Variants in KDM1A observed in about 807,000 individuals in gnomAD.
KDM1A encodes lysine-specific histone demethylase 1A.
A neutral mutation model predicts 109.4 loss-of-function variants in KDM1A; 49 were observed. That is an observed-to-expected ratio of 0.45 (90% confidence interval 0.36 to 0.57). The LOEUF (loss-of-function observed/expected upper bound fraction) is 0.57, where lower values mean the gene tolerates loss of function less well. KDM1A is among the 20% of genes least tolerant of loss of function. KDM1A has a pLI of 0.00. For missense variants in KDM1A, 668 were observed against 1,116.6 expected (o/e 0.60, Z 5.73); for synonymous variants, 380 against 415.4 (o/e 0.91, Z 1.04).
intron 2 of KDM1A, among the ~76,000 whole-genome samples, chr1:23,038,149 A>C (rs190719684): frequency 4.9e-4 from 74 of 152,318 alleles, no homozygotes; most frequent in Non-Finnish European, 7.9e-4. Flanking sequence ...GCTTTAGACC[A>C]GACAGACACA....
At position 23,059,054 on chromosome 1, in the gene KDM1A, T is replaced by C. The variant is rs374547084; in HGVS notation, c.1073-19T>C. The C allele has an allele frequency of 6.4e-6, 10 of 1,554,194 alleles. No individual in the cohort carries two copies. The highest frequency in any genetic ancestry group is 4.7e-5 in the South Asian group (4 of 85,910). On this transcript the variant is annotated intron_variant, in intron 8 of 20. Coordinates refer to ENST00000400181, the MANE Select transcript of KDM1A (RefSeq NM_001009999.3). The stretch of plus-strand genomic sequence containing the variant: ...TCTTCATAGGTCTATTGAATTTAAT[T>C]GCTTGAGTTTTTTTCTAGGAGGGAA...
Position 23,019,722 on chromosome 1 carries a change from G to A in KDM1A, c.126G>A (p.Ala42=). 4 of 1,326,360 alleles carry A rather than the reference G, an allele frequency of 3.0e-6. No individual in the cohort carries two copies. Among genetic ancestry groups the A allele is most frequent in the Non-Finnish European group, 3.9e-6 (4 of 1,038,114 alleles). The allele number at this position is 1,326,360 out of a possible 1,614,324, so 82.2% of individuals were successfully genotyped here. The change falls in exon 1 of 21, where the codon GCG becomes GCA. Residue 42 remains alanine (A), a synonymous_variant. Transcript: ENST00000400181. ...ENGSEVAAQP[A]GLSGPAEVGP... ...GGTCTGAGGTGGCCGCGCAGCCCGC[G>A]GGCCTGTCGGGCCCAGCCGAGGTCG...
chr1:23,074,512 C>CT (rs1473892167), intron 15 of KDM1A, among the ~76,000 whole-genome samples: 3 of 152,062 alleles, frequency 2.0e-5, no homozygotes, highest in African/African-American at 4.8e-5. Flanking sequence ...TCATGGCTCC[C>CT]TTGCAGCCTT....
chr1:23,070,970 G>A (rs191562141), intron 12 of KDM1A, among the ~76,000 whole-genome samples: 53 of 152,108 alleles, frequency 3.5e-4, no homozygotes, highest in Non-Finnish European at 1.5e-4. Flanking sequence ...CTTCTCATTC[G>A]TTTTAGAAGG....
chr1:23,057,376 C>T (rs1049358425), intron 7 of KDM1A, 108 bp from the exon 8 acceptor site: 2 of 797,518 alleles, frequency 2.5e-6, no homozygotes, highest in African/African-American at 3.4e-5. Flanking sequence ...CATGTAAACT[C>T]TACATCTTTA....
chr1:23,035,723 A>G (rs909981827), intron 2 of KDM1A, among the ~76,000 whole-genome samples: 2 of 152,212 alleles, frequency 1.3e-5, no homozygotes, highest in South Asian at 2.1e-4. Flanking sequence ...TAAAGAGTCA[A>G]TGAAATTTGA....
chr1:23,069,504 A>T (rs980286370), intron 12 of KDM1A, among the ~76,000 whole-genome samples: 13 of 151,916 alleles, frequency 8.6e-5, no homozygotes, highest in African/African-American at 1.2e-4. Flanking sequence ...TAATGAGCTT[A>T]AAAAAAATGG....
At chr1:23,073,483 G>T in intron 15 of KDM1A, 80 bp downstream of exon 15, 1 of 790,768 alleles carries the variant, frequency 1.3e-6, no homozygotes. Context: ...TTGTATGTGT[G>T]TTTTTAAACA....
chr1:23,027,566 G>T (rs1346971390), intron 1 of KDM1A, among the ~76,000 whole-genome samples: 1 of 148,022 alleles, frequency 6.8e-6, no homozygotes, highest in East Asian at 2.0e-4. Context: ...GGAACTGCAG[G>T]TGCATGCCAC....
chr1:23,079,604 G>T lies in KDM1A; in HGVS notation c.2107G>T (p.Gly703Trp), dbSNP rs1337264516. The T allele has an allele frequency of 6.2e-7, 1 of 1,613,844 alleles. No homozygotes were observed. The highest frequency in any genetic ancestry group is 2.2e-5 in the East Asian group (1 of 44,870). The change falls in exon 18 of 21, where the codon GGG becomes TGG. Residue 703 changes from glycine (G) to tryptophan (W), a missense_variant. Gly to Trp is a radical substitution (Grantham distance 184). Transcript: ENST00000400181. The surrounding 1 kb of genome is among the most constrained non-coding windows in gnomAD (Gnocchi z 5.6). The part of the protein sequence containing the change: ...VFWDPSVNLF[G>W]HVGSTTASRG... ...CTGGGATCCAAGTGTCAATTTGTTC[G>T]GGCATGTTGGCAGTACGACTGCCAG...
intron 4 of KDM1A, among the ~76,000 whole-genome samples, chr1:23,052,822 T>C (rs1642711140): frequency 6.6e-6 from 1 of 152,204 alleles, no homozygotes; most frequent in South Asian, 2.1e-4. Context: ...GTGGACTATT[T>C]GGAGTTCCTT....
intron 1 of KDM1A, among the ~76,000 whole-genome samples, chr1:23,023,301 G>A (rs192078308): frequency 7.2e-5 from 11 of 152,188 alleles, no homozygotes; most frequent in East Asian, 1.9e-4. Context: ...CCAATGTCAC[G>A]AGGATTTACT....
chr1:23,069,186 C>A, intron 12 of KDM1A, 35 bp downstream of exon 12: 1 of 1,290,480 alleles, frequency 7.7e-7, no homozygotes, highest in African/African-American at 1.5e-5. Flanking sequence ...GCTGAAGAAG[C>A]TTTAATAGGA....
chr1:23,019,718 C>T lies in KDM1A; in HGVS notation c.122C>T (p.Pro41Leu). The change falls in exon 1 of 21, where the codon CCC becomes CTC. Residue 41 changes from proline (P) to leucine (L), a missense_variant. Around this residue, in one of 8 missense-constraint regions of KDM1A, gnomAD observed 156 missense variants for 163.4 expected, o/e 0.95. Transcript: ENST00000400181. Reference protein sequence around the residue: ...SENGSEVAAQPAGLSGPAEVG... With the variant: ...SENGSEVAAQLAGLSGPAEVG... ...AACGGGTCTGAGGTGGCCGCGCAGC[C>T]CGCGGGCCTGTCGGGCCCAGCCGAG... 2.3e-6 allele frequency: 3 copies of T among 1,326,416 alleles called. No homozygotes were observed. The highest frequency in any genetic ancestry group is 2.9e-6 in the Non-Finnish European group (3 of 1,038,602). 82.2% of individuals were successfully genotyped at this position (1,326,416 alleles called of 1,614,324 possible). A position where few individuals can be genotyped will look rare whatever the true frequency, so the allele number is the denominator to read the frequency against.
At chr1:23,067,832 CA>C (rs1402677501) in intron 10 of KDM1A, among the ~76,000 whole-genome samples, 3 of 152,190 alleles carry the variant, frequency 2.0e-5, no homozygotes, top group Non-Finnish European at 4.4e-5. Flanking sequence ...GGCTTAGGAT[CA>C]TGGTCTTCCA....
intron 2 of KDM1A, among the ~76,000 whole-genome samples, chr1:23,043,075 C>T (rs1356042351): frequency 6.6e-6 from 1 of 152,126 alleles, no homozygotes; most frequent in Non-Finnish European, 1.5e-5. Flanking sequence ...ATGAATAAAG[C>T]CAGAATTTAC....
intron 2 of KDM1A, among the ~76,000 whole-genome samples, chr1:23,036,918 T>C (rs563258263): frequency 6.6e-6 from 1 of 152,228 alleles, no homozygotes; most frequent in South Asian, 2.1e-4. Flanking sequence ...ATGATAATTA[T>C]TTTGTCACAG....
At chr1:23,069,034 G>T (rs776597924) in intron 11 of KDM1A, 27 bp from the exon 12 acceptor site, 12 of 1,518,100 alleles carry the variant, frequency 7.9e-6, no homozygotes, top group Middle Eastern at 1.7e-4. Flanking sequence ...GGCTTTGAGA[G>T]CAGATTATAC....
intron 2 of KDM1A, among the ~76,000 whole-genome samples, chr1:23,039,727 G>A (rs911027192): frequency 2.6e-5 from 4 of 152,232 alleles, no homozygotes; most frequent in East Asian, 1.9e-4. Flanking sequence ...TCACTGCCTC[G>A]CAGTCTATCC....
Sources: gnomAD v4.1 joint callset for allele counts (sites outside exome capture counted in the v4.1 genomes callset) on GRCh38, gnomAD v4.1.1 for gene constraint, gnomAD v4.1.1 regional missense constraint, Gnocchi (gnomAD v3.1) non-coding constraint, MANE v1.5 for transcripts, NCBI Gene and HGNC (gene_info 2026-07-23, HGNC 2026-07-21) for gene names.